Variants in ATP8B4 observed in about 807,000 individuals in gnomAD.
ATP8B4 encodes the protein probable phospholipid-transporting ATPase IM.
ATP8B4 carries 133 observed loss-of-function variants against 145.6 expected under a neutral mutation model. The ratio of observed to expected loss-of-function variants is 0.91; its 90% CI spans 0.79 to 1.05. The LOEUF is 1.05. Ranked by LOEUF, ATP8B4 falls within the 50% of genes least tolerant of loss-of-function variation. The pLI is 0.00. For synonymous variants in ATP8B4, 507 were observed against 492.9 expected (o/e 1.03, Z -0.38); for missense variants, 1,458 against 1,425.2 (o/e 1.02, Z -0.37).
intron 7 of ATP8B4, among the ~76,000 whole-genome samples, chr15:50,003,687 A>G (rs2048087385): frequency 1.3e-5 from 2 of 152,176 alleles, no homozygotes; most frequent in Non-Finnish European, 2.9e-5. Flanking sequence ...CCTGGGCTTA[A>G]AAGGCTCATG....
intron 1 of ATP8B4, among the ~76,000 whole-genome samples, chr15:50,162,655 C>T (rs1485699608): frequency 1.3e-5 from 2 of 152,076 alleles, no homozygotes; most frequent in Admixed American, 6.5e-5. Context: ...TACAGGCGCC[C>T]GCCACCACGC....
intron 9 of ATP8B4, among the ~76,000 whole-genome samples, chr15:49,993,375 A>AGTGTGTGTGTGT (rs34145133): frequency 2.6e-5 from 4 of 151,166 alleles, no homozygotes; most frequent in African/African-American, 7.3e-5. Context: ...TGCTGATAGT[A>AGTGTGTGTGTGT]GTGTGTGTGT....
chr15:50,150,838 A>C (rs943164342), intron 1 of ATP8B4, among the ~76,000 whole-genome samples: 1 of 152,240 alleles, frequency 6.6e-6, no homozygotes, highest in Non-Finnish European at 1.5e-5. Context: ...TGAGACATGA[A>C]CCTGGGCTAA....
Position 49,866,611 on chromosome 15 carries a change from C to A in ATP8B4, c.3028-127G>T, listed in dbSNP as rs558996250. 26 of 1,065,770 alleles carry A rather than the reference C, an allele frequency of 2.4e-5. No individual in the cohort carries two copies. In the African/African-American group the frequency reaches 3.8e-4, roughly 16 times the overall value. 66.0% of individuals were successfully genotyped at this position (1,065,770 alleles called of 1,614,324 possible). A position where few individuals can be genotyped will look rare whatever the true frequency, so the allele number is the denominator to read the frequency against. ...GCACCTGCCTAGTTGCCAAGCCAAC[C>A]GCGGGCATCCCCACTTTCTGAACAC... On this transcript the variant is annotated intron_variant, in intron 25 of 27. Coordinates refer to ENST00000284509, the MANE Select transcript of ATP8B4 (RefSeq NM_024837.4).
intron 16 of ATP8B4, among the ~76,000 whole-genome samples, chr15:49,929,174 G>T (rs1344726952): frequency 6.6e-6 from 1 of 152,102 alleles, no homozygotes; most frequent in Non-Finnish European, 1.5e-5. Context: ...GGCCTTAAAA[G>T]ACCAGATTTT....
At chr15:50,032,487 A>G (rs2050525644) in intron 6 of ATP8B4, among the ~76,000 whole-genome samples, 1 of 152,222 alleles carries the variant, frequency 6.6e-6, no homozygotes, top group Non-Finnish European at 1.5e-5. Flanking sequence ...TAGTGCTGCA[A>G]TAAACATACA....
chr15:50,014,478 T>C (rs949967109), intron 6 of ATP8B4, among the ~76,000 whole-genome samples: 1 of 152,206 alleles, frequency 6.6e-6, no homozygotes, highest in African/African-American at 2.4e-5. Context: ...TTTGCCTGAA[T>C]GTCTAATAAG....
chr15:50,039,675 G>A (rs1358926044), intron 5 of ATP8B4, among the ~76,000 whole-genome samples: 1 of 152,190 alleles, frequency 6.6e-6, no homozygotes, highest in Non-Finnish European at 1.5e-5. Flanking sequence ...GTCTTTTCAG[G>A]AGACAGAAAC....
intron 19 of ATP8B4, among the ~76,000 whole-genome samples, chr15:49,918,076 T>C (rs2039921136): frequency 1.3e-5 from 2 of 152,222 alleles, no homozygotes; most frequent in South Asian, 2.1e-4. Flanking sequence ...AATTTTAACA[T>C]AGGTGTATGC....
intron 6 of ATP8B4, among the ~76,000 whole-genome samples, chr15:50,014,705 A>C (rs1360217907): frequency 6.6e-6 from 1 of 152,126 alleles, no homozygotes; most frequent in Non-Finnish European, 1.5e-5. Context: ...ATTTAAATAG[A>C]GTCTTATATT....
At chr15:50,140,800 A>G (rs965642804) in intron 1 of ATP8B4, among the ~76,000 whole-genome samples, 2 of 152,180 alleles carry the variant, frequency 1.3e-5, no homozygotes, top group Non-Finnish European at 2.9e-5. Context: ...AAACATAGGG[A>G]CTTTTAGGCC....
intron 8 of ATP8B4, among the ~76,000 whole-genome samples, chr15:49,997,655 T>G (rs1375975749): frequency 6.6e-6 from 1 of 152,070 alleles, no homozygotes; most frequent in African/African-American, 2.4e-5. Context: ...GTGTGGAATT[T>G]TGTGCAAACC....
In ATP8B4 at chr15:49,881,162, C is replaced by G. The variant is rs377741832; in HGVS notation, c.2698-1703G>C. On this transcript the variant is annotated intron_variant, in intron 23 of 27. Coordinates refer to ENST00000284509, the MANE Select transcript of ATP8B4 (RefSeq NM_024837.4). The stretch of plus-strand genomic sequence containing the variant: ...AAAAGCCTTGATTTGTAGCATTTGC[C>G]AATTTCCATGGTATAAATATTCCTC... Among the ~76,000 whole-genome samples, 58 of 151,828 alleles carry G rather than the reference C, an allele frequency of 3.8e-4. 1 individual carries two copies. The East Asian group carries it at 6.4e-3, about 17-fold the overall frequency.
At chr15:50,086,941 ATATT>A (rs1462829221) in intron 2 of ATP8B4, among the ~76,000 whole-genome samples, 3 of 97,914 alleles carry the variant, frequency 3.1e-5, no homozygotes, top group Admixed American at 1.2e-4. Context: ...ATAGAGATCT[ATATT>A]TATTATATAT....
rs2039989058 is a variant in ATP8B4, at chr15:49,918,849, T to C, written c.2025A>G (p.Gly675=). The C allele has an allele frequency of 6.2e-7, 1 of 1,607,514 alleles. No homozygotes were observed. The highest frequency in any genetic ancestry group is 8.5e-7 in the Non-Finnish European group (1 of 1,175,086). The change falls in exon 19 of 28, where the codon GGA becomes GGG. Residue 675 remains glycine (G), a synonymous_variant. Coordinates refer to ENST00000284509, the MANE Select transcript of ATP8B4 (RefSeq NM_024837.4). The part of the protein sequence containing the change: ...LANIKIWVLT[G]DKQETAINIG... Reference sequence around the variant, plus strand: ...CCATTTTCAAGTTACCTTGTTTGTCTCCTGTTAGGACCCAGATCTTAATAT... The same window carrying C: ...CCATTTTCAAGTTACCTTGTTTGTCCCCTGTTAGGACCCAGATCTTAATAT...
rs1033383636 is a variant in ATP8B4, at chr15:49,943,768, G to A, written c.1288-9586C>T. Among the ~76,000 whole-genome samples, 8 of 152,240 alleles carry A rather than the reference G, an allele frequency of 5.3e-5. No homozygotes were observed. The South Asian group carries it at 6.2e-4, about 12-fold the overall frequency. On this transcript the variant is annotated intron_variant, in intron 14 of 27. Transcript: ENST00000284509. ...GGATGCAAAACAGCAACATGATAGCGTGAAAAAATATGAAAGTCATTGGTA... is the reference window on the plus strand; with the variant it reads ...GGATGCAAAACAGCAACATGATAGCATGAAAAAATATGAAAGTCATTGGTA...
At chr15:49,881,878 G>A (rs2035475701) in intron 23 of ATP8B4, among the ~76,000 whole-genome samples, 1 of 152,196 alleles carries the variant, frequency 6.6e-6, no homozygotes, top group African/African-American at 2.4e-5. Flanking sequence ...AAGACAGTGG[G>A]GAATGACTTG....
intron 14 of ATP8B4, among the ~76,000 whole-genome samples, chr15:49,942,415 G>A (rs1391665807): frequency 6.6e-6 from 1 of 151,910 alleles, no homozygotes; most frequent in African/African-American, 2.4e-5. Context: ...GAAACTTGGG[G>A]AGGAGGTATT....
intron 3 of ATP8B4, among the ~76,000 whole-genome samples, chr15:50,071,443 A>G (rs773502101): frequency 9.2e-5 from 14 of 152,352 alleles, no homozygotes; most frequent in Non-Finnish European, 2.1e-4. Flanking sequence ...TACTACTCAC[A>G]GAAGGAAAAT....
Sources: allele counts gnomAD v4.1 joint callset (sites outside exome capture counted in the v4.1 genomes callset), GRCh38; gene constraint gnomAD v4.1.1; transcripts MANE v1.5; gene names NCBI Gene and HGNC (gene_info 2026-07-23, HGNC 2026-07-21).